MARCHF4: variants seen among roughly 807,000 people sequenced by gnomAD.
The protein encoded by MARCHF4 is E3 ubiquitin-protein ligase MARCHF4.
In MARCHF4, 14 loss-of-function variants were observed where a neutral mutation model predicts 43.9. The ratio of observed to expected loss-of-function variants is 0.32; its 90% CI spans 0.21 to 0.50. The LOEUF (loss-of-function observed/expected upper bound fraction) is 0.50. Among genes scored for constraint, MARCHF4 ranks in the 20% least tolerant of loss-of-function variants. The pLI is 0.98. For synonymous variants in MARCHF4, 226 were observed against 213.3 expected (o/e 1.06, Z -0.52); for missense variants, 468 against 536.7 (o/e 0.87, Z 1.27).
rs1177306253 is a variant in MARCHF4 at position 216,370,062 on chromosome 2, C to T, written c.199G>A (p.Asp67Asn). ...GCCGCCAAACCGGGGGGCTGGGGGT[C>T]GCCGTGCATGGGCAGGGGCGCTTGA... ...PPQAPLPMHGDPQPPGLAANN... is the reference protein window; with the variant it reads ...PPQAPLPMHGNPQPPGLAANN... Residue 67 changes from aspartate to asparagine, a missense_variant, in exon 1 of 4, where the codon GAC becomes AAC. By Grantham distance (23) the Asp-to-Asn change is conservative (BLOSUM62 1). Around this residue, in one of 3 missense-constraint regions of MARCHF4, gnomAD observed 190 missense variants for 158.5 expected, o/e 1.20. Coordinates refer to ENST00000273067, the MANE Select transcript of MARCHF4 (RefSeq NM_020814.3). The T allele has an allele frequency of 9.6e-6, 15 of 1,562,238 alleles. No homozygotes were observed. Among genetic ancestry groups the T allele is most frequent in the Non-Finnish European group, 1.3e-5 (15 of 1,152,750 alleles).
intron 3 of MARCHF4, among the ~76,000 whole-genome samples, chr2:216,268,422 T>C (rs900981583): frequency 1.3e-5 from 2 of 152,162 alleles, no homozygotes; most frequent in Non-Finnish European, 2.9e-5. Context: ...AGGGAGGTGA[T>C]TGGATCATGG....
At chr2:216,345,947 G>A (rs185356926) in intron 1 of MARCHF4, among the ~76,000 whole-genome samples, 10 of 152,266 alleles carry the variant, frequency 6.6e-5, no homozygotes, top group African/African-American at 2.4e-4. Context: ...GCCTGGCAAA[G>A]AGCTGATGTC....
chr2:216,323,204 T>C (rs1182218589), intron 1 of MARCHF4, among the ~76,000 whole-genome samples: 1 of 152,194 alleles, frequency 6.6e-6, no homozygotes, highest in Non-Finnish European at 1.5e-5. Context: ...ATTAATTTTC[T>C]CCTTTTTTGC....
At chr2:216,320,723 T>G (rs1166709073) in intron 1 of MARCHF4, among the ~76,000 whole-genome samples, 3 of 147,190 alleles carry the variant, frequency 2.0e-5, no homozygotes, top group Non-Finnish European at 3.0e-5. Context: ...CAGGCTGGAG[T>G]GCAATGGCGC....
At chr2:216,360,249 C>A (rs138375608) in intron 1 of MARCHF4, among the ~76,000 whole-genome samples, 1 of 152,010 alleles carries the variant, frequency 6.6e-6, no homozygotes, top group East Asian at 1.9e-4. Flanking sequence ...TATTCATGTA[C>A]CATTTATACT....
At chr2:216,333,510 A>G (rs1692112420) in intron 1 of MARCHF4, among the ~76,000 whole-genome samples, 1 of 152,014 alleles carries the variant, frequency 6.6e-6, no homozygotes, top group Non-Finnish European at 1.5e-5. Flanking sequence ...AGCTGTGGAG[A>G]CTCTTCATTG....
chr2:216,367,989 GC>G (rs1692692697), intron 1 of MARCHF4, among the ~76,000 whole-genome samples: 1 of 152,170 alleles, frequency 6.6e-6, no homozygotes, highest in Non-Finnish European at 1.5e-5. Context: ...AGTTGGAAAA[GC>G]AGCCCAGAGG....
At chr2:216,328,236 C>A (rs1180972814) in intron 1 of MARCHF4, among the ~76,000 whole-genome samples, 1 of 152,324 alleles carries the variant, frequency 6.6e-6, no homozygotes, top group East Asian at 1.9e-4. Flanking sequence ...ATGGCGCGAT[C>A]TTGGCTCACT....
chr2:216,259,148 C>T lies in MARCHF4; in HGVS notation c.*164G>A, dbSNP rs1483209135. The T allele has an allele frequency of 3.1e-6, 3 of 964,218 alleles. No homozygotes were observed. The highest frequency in any genetic ancestry group is 2.4e-5 in the Admixed American group (1 of 40,966). The allele number at this position is 964,218 out of a possible 1,614,324, so 59.7% of individuals were successfully genotyped here. ...TGACTGATTGGAAATAGCAGAACTG[C>T]TCCTGCACCAGCCTCACTCCCGCTC... On this transcript the variant is annotated 3_prime_UTR_variant, in exon 4 of 4. Transcript: ENST00000273067.
chr2:216,282,570 A>T (rs1038588398), intron 2 of MARCHF4, among the ~76,000 whole-genome samples: 11 of 152,136 alleles, frequency 7.2e-5, no homozygotes, highest in African/African-American at 2.7e-4. Context: ...TGGCAGCTTA[A>T]TTTGTTGATC....
intron 1 of MARCHF4, among the ~76,000 whole-genome samples, chr2:216,345,009 C>T (rs141956804): frequency 2.4e-4 from 37 of 151,896 alleles, no homozygotes; most frequent in African/African-American, 4.6e-4. Flanking sequence ...GGAATGTGAA[C>T]GGCTGAACCC....
intron 1 of MARCHF4, among the ~76,000 whole-genome samples, chr2:216,356,119 T>G (rs953133852): frequency 1.3e-5 from 2 of 152,256 alleles, no homozygotes; most frequent in African/African-American, 4.8e-5. Context: ...CAACCCACAT[T>G]CCTTCAGTGT....
chr2:216,265,269 T>C (rs1690826506), intron 3 of MARCHF4, among the ~76,000 whole-genome samples: 1 of 152,192 alleles, frequency 6.6e-6, no homozygotes, highest in Admixed American at 6.5e-5. Context: ...TGTAATGGTG[T>C]TCTAGTGGTC....
rs758646946 is a variant in MARCHF4 at position 216,372,375 on chromosome 2, G to T, written c.-2115C>A. On this transcript the variant is annotated 5_prime_UTR_variant, in exon 1 of 4. Coordinates refer to ENST00000273067, the MANE Select transcript of MARCHF4 (RefSeq NM_020814.3). The stretch of plus-strand genomic sequence containing the variant: ...GACAGCTCCCACCCAGACCCCGCGC[G>T]TCACGCTCGTGGGGGCCTGACGCAG... 1.3e-5 allele frequency among the ~76,000 whole-genome samples: 2 copies of T among 152,192 alleles called. No homozygotes were observed.
At chr2:216,347,491 T>C (rs1277652313) in intron 1 of MARCHF4, among the ~76,000 whole-genome samples, 1 of 151,970 alleles carries the variant, frequency 6.6e-6, no homozygotes, top group African/African-American at 2.4e-5. Context: ...ATCCAGAGAG[T>C]AGAAGCCATA....
chr2:216,319,062 C>G (rs1052700733), intron 1 of MARCHF4, among the ~76,000 whole-genome samples: 3 of 152,120 alleles, frequency 2.0e-5, no homozygotes, highest in Admixed American at 2.0e-4. Context: ...AATGCCGGCA[C>G]TTTGCGGGGC....
At chr2:216,316,650 A>T (rs1691782782) in intron 1 of MARCHF4, among the ~76,000 whole-genome samples, 1 of 152,184 alleles carries the variant, frequency 6.6e-6, no homozygotes, top group Non-Finnish European at 1.5e-5. Flanking sequence ...CAGTAGAGCC[A>T]GGAACTAAGA....
rs184057290 is a variant in MARCHF4 at position 216,262,436 on chromosome 2, G to A, written c.866-2757C>T. On this transcript the variant is annotated intron_variant, in intron 3 of 3. Transcript: ENST00000273067. ...GTACTTGCAAGAGAGTGATTATCAG[G>A]CTGGACCATGGAGCCCAGGCTGGGG... 3.6e-4 allele frequency among the ~76,000 whole-genome samples: 55 copies of A among 152,312 alleles called. 1 individual carries two copies. The Middle Eastern group carries it at 0.024, about 66-fold the overall frequency.
chr2:216,327,312 T>C lies in MARCHF4; in HGVS notation c.516+42433A>G, dbSNP rs979694343. Among the ~76,000 whole-genome samples, 9 of 152,176 alleles carry C rather than the reference T, an allele frequency of 5.9e-5. 1 individual carries two copies. The highest frequency in any genetic ancestry group is 2.2e-4 in the African/African-American group (9 of 41,432). ...TTTTTGTTTTCCAAATGCTGAATTATATTACAATATATAATCTATCCATGA... is the reference window on the plus strand; with the variant it reads ...TTTTTGTTTTCCAAATGCTGAATTACATTACAATATATAATCTATCCATGA... On this transcript the variant is annotated intron_variant, in intron 1 of 3. Transcript: ENST00000273067.
Sources: gnomAD v4.1 joint callset for allele counts (sites outside exome capture counted in the v4.1 genomes callset) on GRCh38, gnomAD v4.1.1 for gene constraint, gnomAD v4.1.1 regional missense constraint, MANE v1.5 for transcripts, NCBI Gene and HGNC (gene_info 2026-07-23, HGNC 2026-07-21) for gene names.